Variants in TCP11L2 observed in about 807,000 individuals in gnomAD.
TCP11L2 encodes t-complex 11 like 2, also known as T-complex protein 11-like protein 2.
In TCP11L2, 39 loss-of-function variants were observed where a neutral mutation model predicts 50.7. That is an observed-to-expected ratio of 0.77 (90% CI 0.60 to 1.01). The LOEUF is 1.01. TCP11L2 is among the 50% of genes least tolerant of loss of function. TCP11L2 has a pLI of 0.00. For missense variants in TCP11L2, 612 were observed against 614.7 expected (o/e 1.00, Z 0.05); for synonymous variants, 192 against 219.3 (o/e 0.88, Z 1.10).
intron 8 of TCP11L2, among the ~76,000 whole-genome samples, chr12:106,337,280 A>G (rs2035951594): frequency 6.6e-6 from 1 of 152,220 alleles, no homozygotes; most frequent in African/African-American, 2.4e-5. Flanking sequence ...ATTAAGAGCC[A>G]AAAGGAGCCC....
At chr12:106,318,947 C>G (rs1195060672) in intron 4 of TCP11L2, among the ~76,000 whole-genome samples, 1 of 151,150 alleles carries the variant, frequency 6.6e-6, no homozygotes, top group Admixed American at 6.6e-5. Flanking sequence ...CTCTGTCGCC[C>G]AGGCCGGACT....
At chr12:106,330,524 G>A (rs111865464) in intron 6 of TCP11L2, among the ~76,000 whole-genome samples, 2 of 152,046 alleles carry the variant, frequency 1.3e-5, no homozygotes, top group African/African-American at 4.8e-5. Flanking sequence ...CCTCAACAAC[G>A]AAGAATTATC....
At chr12:106,344,146 C>A (rs2036166697) in intron 9 of TCP11L2, among the ~76,000 whole-genome samples, 1 of 151,558 alleles carries the variant, frequency 6.6e-6, no homozygotes. Flanking sequence ...GATGGAGACC[C>A]TGTCTATATA....
chr12:106,335,620 G>A lies in TCP11L2; in HGVS notation c.773-19G>A. 2 of 1,612,072 alleles carry A rather than the reference G, an allele frequency of 1.2e-6. No individual in the cohort carries two copies. The highest frequency in any genetic ancestry group is 1.7e-6 in the Non-Finnish European group (2 of 1,178,902). ...GATCAATCAGCTGTAGAACAAATAT[G>A]TGGCCTTTTCACTCTTAGGTGCTCT... On this transcript the variant is annotated intron_variant, in intron 6 of 9. Transcript: ENST00000299045.
intron 3 of TCP11L2, among the ~76,000 whole-genome samples, chr12:106,316,853 A>G (rs1000829382): frequency 6.6e-6 from 1 of 152,094 alleles, no homozygotes; most frequent in African/African-American, 2.4e-5. Context: ...ATTTTTTGAG[A>G]TGGAGTCTTG....
upstream of TCP11L2, among the ~76,000 whole-genome samples, chr12:106,298,593 C>T (rs147908866): frequency 2.7e-3 from 417 of 152,314 alleles, 4 homozygotes; most frequent in African/African-American, 9.6e-3. Context: ...GAAATCTCAG[C>T]TCACTGCAAC....
upstream of TCP11L2, among the ~76,000 whole-genome samples, chr12:106,302,203 G>A (rs1258740888): frequency 6.6e-6 from 1 of 152,124 alleles, no homozygotes; most frequent in East Asian, 1.9e-4. Flanking sequence ...GCGGCCGGGA[G>A]CTCGCAGTGT....
rs1285244280 is a variant in TCP11L2, at chr12:106,311,082, T to C, written c.7T>C (p.Phe3Leu). The C allele has an allele frequency of 6.2e-7, 1 of 1,614,120 alleles. No individual in the cohort carries two copies. Among genetic ancestry groups the C allele is most frequent in the East Asian group, 2.2e-5 (1 of 44,870 alleles). MP[F>L]NGEKQCVGED... is the part of the protein sequence containing the mutation. ...CACACTTAAGTGACGCAAAATGCCC[T>C]TCAATGGCGAGAAGCAGTGTGTGGG... The change falls in exon 2 of 10, where the codon TTC becomes CTC. Residue 3 changes from phenylalanine (F) to leucine (L), a missense_variant. Phe to Leu is a conservative substitution (Grantham distance 22). Coordinates refer to ENST00000299045, the MANE Select transcript of TCP11L2 (RefSeq NM_152772.3).
chr12:106,334,260 TAGGA>T (rs1226327824), intron 6 of TCP11L2, among the ~76,000 whole-genome samples: 1 of 152,096 alleles, frequency 6.6e-6, no homozygotes, highest in Non-Finnish European at 1.5e-5. Flanking sequence ...TTAAAAAAGG[TAGGA>T]AGGACATGTT....
intron 1 of TCP11L2, among the ~76,000 whole-genome samples, chr12:106,309,001 A>T (rs930477894): frequency 1.3e-5 from 2 of 152,220 alleles, no homozygotes; most frequent in African/African-American, 4.8e-5. Context: ...GCTGTCATGG[A>T]GATACAGGAG....
In TCP11L2 at chr12:106,314,364, G is replaced by T. The variant is rs1055745080; in HGVS notation, c.164G>T (p.Ser55Ile). 3 of 1,596,682 alleles carry T rather than the reference G, an allele frequency of 1.9e-6. No individual in the cohort carries two copies. The highest frequency in any genetic ancestry group is 1.7e-5 in the Admixed American group (1 of 59,256). ...GCTTTTGTTTTTCTTTCAGCAACAA[G>T]CCCTCCAAGGGTTGTAACATTTGAT... The part of the protein sequence containing the change: ...SSKSSSPAST[S>I]PPRVVTFDEV... The change falls in exon 3 of 10, where the codon AGC (serine) becomes ATC (isoleucine). Residue 55 changes from serine to isoleucine, a missense_variant. Physicochemically the swap from Ser to Ile is moderately radical, Grantham distance 142. Transcript: ENST00000299045.
Position 106,330,973 on chromosome 12 carries a change from C to T in TCP11L2, c.773-4666C>T, listed in dbSNP as rs1422917488. On this transcript the variant is annotated intron_variant, in intron 6 of 9. Coordinates refer to ENST00000299045, the MANE Select transcript of TCP11L2 (RefSeq NM_152772.3). ...TGAAATGAATTCAAGTATAAAACCT[C>T]ATTTCCAGTGATACATATTTTTTAT... Among the ~76,000 whole-genome samples the T allele has an allele frequency of 3.9e-5, 6 of 152,172 alleles. No homozygotes were observed. In the East Asian group the frequency reaches 9.6e-4, roughly 24 times the overall value.
chr12:106,311,128 C>T lies in TCP11L2; in HGVS notation c.53C>T (p.Ser18Phe). 1 of 1,614,234 alleles carries T rather than the reference C, an allele frequency of 6.2e-7. No individual in the cohort carries two copies. Among genetic ancestry groups the T allele is most frequent in the Non-Finnish European group, 8.5e-7 (1 of 1,180,048 alleles). ...GTGGGAGAGGACCAGCCAAGCGATT[C>T]TGATTCTTCCCGGTTTTCCGAAAGC... is the stretch of plus-strand genomic sequence containing the variant. ...QCVGEDQPSD[S>F]DSSRFSESMA... is the part of the protein sequence containing the mutation. The change falls in exon 2 of 10, where the codon TCT becomes TTT. Residue 18 changes from serine to phenylalanine, a missense_variant. Coordinates refer to ENST00000299045, the MANE Select transcript of TCP11L2 (RefSeq NM_152772.3).
intron 3 of TCP11L2, among the ~76,000 whole-genome samples, chr12:106,315,710 C>T (rs1436136774): frequency 6.6e-6 from 1 of 151,090 alleles, no homozygotes; most frequent in Non-Finnish European, 1.5e-5. Flanking sequence ...TGGTTAACCT[C>T]GCCCTCCGAC....
At chr12:106,323,138 T>A (rs1210815664) in intron 5 of TCP11L2, among the ~76,000 whole-genome samples, 4 of 152,226 alleles carry the variant, frequency 2.6e-5, no homozygotes, top group African/African-American at 9.6e-5. Context: ...GGAAGTGTTT[T>A]TTCCTCAGTG....
chr12:106,307,306 T>G (rs1424298378), intron 1 of TCP11L2: 1 of 152,218 alleles, frequency 6.6e-6, no homozygotes, highest in Non-Finnish European at 1.5e-5. Context: ...GTTGGAGGCT[T>G]TGCTTGGAGT....
rs550139903 is a variant in TCP11L2, at chr12:106,323,236, T to C, written c.636-274T>C. Reference sequence around the variant, plus strand: ...ACCCTGTGTCCTGGCTCTTTAAAATTTCAGGGGTTTTCAAATGAAAATTCC... The same window carrying C: ...ACCCTGTGTCCTGGCTCTTTAAAATCTCAGGGGTTTTCAAATGAAAATTCC... On this transcript the variant is annotated intron_variant, in intron 5 of 9. Coordinates refer to ENST00000299045, the MANE Select transcript of TCP11L2 (RefSeq NM_152772.3). 2.6e-5 allele frequency among the ~76,000 whole-genome samples: 4 copies of C among 152,276 alleles called. No homozygotes were observed. The East Asian group carries it at 7.7e-4, about 29-fold the overall frequency.
At chr12:106,331,055 A>G (rs1377392372) in intron 6 of TCP11L2, among the ~76,000 whole-genome samples, 3 of 152,192 alleles carry the variant, frequency 2.0e-5, no homozygotes, top group Non-Finnish European at 4.4e-5. Context: ...CTAACTGGAC[A>G]TTGTCTTTAA....
At chr12:106,302,324 C>A (rs1363550725), upstream of TCP11L2, among the ~76,000 whole-genome samples, 4 of 113,168 alleles carry the variant, frequency 3.5e-5, no homozygotes, top group South Asian at 1.3e-3. Flanking sequence ...CCCGCTCCCC[C>A]CGCTCAGCCC....
Sources: allele counts gnomAD v4.1 joint callset (sites outside exome capture counted in the v4.1 genomes callset), GRCh38; gene constraint gnomAD v4.1.1; transcripts MANE v1.5; gene names NCBI Gene and HGNC (gene_info 2026-07-23, HGNC 2026-07-21).